The following COL23A1 variants were observed in gnomAD, a reference collection of about 807,000 sequenced individuals.
COL23A1 encodes collagen alpha-1(XXIII) chain.
A neutral mutation model predicts 99.3 loss-of-function variants in COL23A1; 97 were observed. That is an observed-to-expected ratio of 0.98 (90% CI 0.83 to 1.16). The LOEUF is 1.16. Among genes scored for constraint, COL23A1 ranks in the 50% most tolerant of loss-of-function variants. The probability of loss-of-function intolerance (pLI) is 0.00; values close to 1 mark genes in which losing one functional copy is unlikely to be tolerated. For synonymous variants in COL23A1, 320 were observed against 308.2 expected (o/e 1.04, Z -0.40); for missense variants, 762 against 757.4 (o/e 1.01, Z -0.07).
chr5:178,241,875 C>T (rs1010601622), intron 27 of COL23A1, among the ~76,000 whole-genome samples, 167 bp downstream of exon 27: 4 of 152,224 alleles, frequency 2.6e-5, no homozygotes, highest in African/African-American at 9.7e-5. Context: ...AGGGGAACCG[C>T]GATGATGGCA....
chr5:178,372,278 T>G (rs1024951687), intron 2 of COL23A1, among the ~76,000 whole-genome samples: 3 of 152,248 alleles, frequency 2.0e-5, no homozygotes, highest in African/African-American at 7.2e-5. Context: ...GGCTGGGAGC[T>G]GGCACAATTT....
intron 13 of COL23A1, 96 bp from the exon 14 acceptor site, chr5:178,257,024 G>GTGTAGTGCAAAGGCGC: frequency 9.4e-7 from 1 of 1,064,066 alleles, no homozygotes; most frequent in Non-Finnish European, 1.4e-6. Flanking sequence ...GAAGCCTCGC[G>GTGTAGTGCAAAGGCGC]ATTAGGCCTC....
intron 2 of COL23A1, among the ~76,000 whole-genome samples, chr5:178,436,907 G>A (rs1266735352): frequency 6.6e-6 from 1 of 152,204 alleles, no homozygotes; most frequent in Non-Finnish European, 1.5e-5. Flanking sequence ...GGTAGACGGT[G>A]GAGCTGGGGT....
intron 2 of COL23A1, among the ~76,000 whole-genome samples, chr5:178,533,714 G>A (rs1760779993): frequency 2.6e-5 from 4 of 152,124 alleles, no homozygotes. Flanking sequence ...GGACAAGCTG[G>A]TCTTGAACTC....
intron 2 of COL23A1, among the ~76,000 whole-genome samples, chr5:178,542,975 T>C (rs1220085164): frequency 1.3e-5 from 2 of 152,254 alleles, no homozygotes; most frequent in Non-Finnish European, 2.9e-5. Context: ...ACTACACTCA[T>C]ACAATACTGA....
chr5:178,285,114 C>T (rs1029490612), intron 5 of COL23A1, among the ~76,000 whole-genome samples: 4 of 152,324 alleles, frequency 2.6e-5, no homozygotes, highest in African/African-American at 7.2e-5. Flanking sequence ...GGGCCCTTGT[C>T]GGCTCTGACT....
At chr5:178,368,495 T>C (rs1241140906) in intron 2 of COL23A1, among the ~76,000 whole-genome samples, 3 of 152,170 alleles carry the variant, frequency 2.0e-5, no homozygotes, top group African/African-American at 7.2e-5. Context: ...GTAGCATACA[T>C]CCTGTGGGTT....
At chr5:178,478,059 C>G (rs770810581) in intron 2 of COL23A1, among the ~76,000 whole-genome samples, 2 of 152,156 alleles carry the variant, frequency 1.3e-5, no homozygotes, top group Middle Eastern at 3.2e-3. Context: ...AGAGAACAGG[C>G]AGGGAAGAGG....
At chr5:178,389,491 C>T (rs1297860164) in intron 2 of COL23A1, among the ~76,000 whole-genome samples, 3 of 152,216 alleles carry the variant, frequency 2.0e-5, no homozygotes, top group African/African-American at 7.2e-5. Flanking sequence ...ACAGGGTCTG[C>T]AGGAGCTGAT....
At chr5:178,283,277 C>A (rs1158944327) in intron 5 of COL23A1, among the ~76,000 whole-genome samples, 2 of 152,244 alleles carry the variant, frequency 1.3e-5, no homozygotes, top group Admixed American at 6.5e-5. Flanking sequence ...CTGGGAGCTT[C>A]TTTGGCTTCA....
intron 3 of COL23A1, among the ~76,000 whole-genome samples, chr5:178,291,340 C>T (rs1427931362): frequency 6.6e-6 from 1 of 152,196 alleles, no homozygotes; most frequent in East Asian, 1.9e-4. Context: ...AGAGCCCTGG[C>T]TCATGAATGT....
At chr5:178,416,937 C>T (rs1581348015) in intron 2 of COL23A1, among the ~76,000 whole-genome samples, 2 of 152,144 alleles carry the variant, frequency 1.3e-5, no homozygotes, top group Admixed American at 1.3e-4. Flanking sequence ...GACCACAGCC[C>T]GAGATCTGGC....
At chr5:178,474,927 C>T (rs1208549430) in intron 2 of COL23A1, among the ~76,000 whole-genome samples, 1 of 152,240 alleles carries the variant, frequency 6.6e-6, no homozygotes, top group African/African-American at 2.4e-5. Flanking sequence ...GGCAGGGCCC[C>T]ACTCCCTCTG....
intron 22 of COL23A1, 96 bp downstream of exon 22, chr5:178,247,430 G>T: frequency 7.2e-7 from 1 of 1,381,218 alleles, no homozygotes. Flanking sequence ...GGGCCAGGGC[G>T]GAGCGTCAGG....
At chr5:178,539,408 A>T (rs1364668536) in intron 2 of COL23A1, among the ~76,000 whole-genome samples, 1 of 151,988 alleles carries the variant, frequency 6.6e-6, no homozygotes, top group African/African-American at 2.4e-5. Flanking sequence ...TTAGCTGGGC[A>T]TGGTGACAGT....
rs1203639754 is a variant in COL23A1, at chr5:178,358,066, TTGTG to T, written c.362-51151_362-51148del. 5.0e-3 allele frequency among the ~76,000 whole-genome samples: 705 copies of T among 141,624 alleles called. 14 individuals carry two copies. Among genetic ancestry groups the T allele is most frequent in the African/African-American group, 0.017 (635 of 38,248 alleles). The allele number at this position is 141,624 out of a possible 152,430, so 92.9% of individuals were successfully genotyped here. A position where few individuals can be genotyped will look rare whatever the true frequency, so the allele number is the denominator to read the frequency against. On this transcript the variant is annotated intron_variant, in intron 2 of 28. Coordinates refer to ENST00000390654, the MANE Select transcript of COL23A1 (RefSeq NM_173465.4). The stretch of plus-strand genomic sequence containing the variant: ...TGTATGTATGTCTAATGTATGTGTA[TTGTG>T]TGTATGTGTATGTACGTGTGTAGGT...
intron 2 of COL23A1, among the ~76,000 whole-genome samples, chr5:178,409,128 G>T (rs1764934395): frequency 6.6e-6 from 1 of 151,962 alleles, no homozygotes; most frequent in Non-Finnish European, 1.5e-5. Context: ...TTGTATTTGG[G>T]TTATGTGTAG....
At chr5:178,457,358 T>C (rs1048850999) in intron 2 of COL23A1, among the ~76,000 whole-genome samples, 1 of 152,008 alleles carries the variant, frequency 6.6e-6, no homozygotes, top group African/African-American at 2.4e-5. Flanking sequence ...GGACTACAAG[T>C]GCCCGCCACC....
intron 2 of COL23A1, among the ~76,000 whole-genome samples, chr5:178,488,496 C>T (rs980381651): frequency 7.9e-5 from 12 of 151,988 alleles, no homozygotes; most frequent in South Asian, 2.1e-4. Flanking sequence ...TTTCCCTCAC[C>T]GCCACCGCCA....
Sources: gnomAD v4.1 joint callset for allele counts (sites outside exome capture counted in the v4.1 genomes callset) on GRCh38, gnomAD v4.1.1 for gene constraint, MANE v1.5 for transcripts, NCBI Gene and HGNC (gene_info 2026-07-23, HGNC 2026-07-21) for gene names.